KCNMB2: variants seen among roughly 807,000 people sequenced by gnomAD.
KCNMB2 encodes the protein calcium-activated potassium channel subunit beta-2.
Under a neutral mutation model 24.5 loss-of-function variants are expected in KCNMB2, and 9 were observed. The observed-to-expected ratio is 0.37, with a 90% CI of 0.22 to 0.64. The LOEUF (loss-of-function observed/expected upper bound fraction) is 0.64, where lower values mean the gene tolerates loss of function less well. Among genes scored for constraint, KCNMB2 ranks in the 30% least tolerant of loss-of-function variants. The pLI, the probability that KCNMB2 is intolerant of heterozygous loss-of-function variation, is 0.63. For synonymous variants in KCNMB2, 109 were observed against 104.4 expected (o/e 1.04, Z -0.27); for missense variants, 226 against 284.3 (o/e 0.79, Z 1.47).
intron 1 of KCNMB2, chr3:178,537,150 G>C (rs11928046): frequency 0.13 from 19,960 of 152,156 alleles, 1,339 homozygotes; most frequent in Middle Eastern, 0.23. Context: ...CAGTCAATGT[G>C]TTTTGATGGT....
At chr3:178,787,832 G>C (rs1192971119) in intron 1 of KCNMB2, among the ~76,000 whole-genome samples, 1 of 152,100 alleles carries the variant, frequency 6.6e-6, no homozygotes, top group African/African-American at 2.4e-5. Flanking sequence ...AAACCAATGA[G>C]AGAACGTTGG....
intron 1 of KCNMB2, among the ~76,000 whole-genome samples, chr3:178,619,186 G>T (rs1718819814): frequency 6.6e-6 from 1 of 152,168 alleles, no homozygotes; most frequent in African/African-American, 2.4e-5. Flanking sequence ...GTCTAGTAGG[G>T]GAAGGAGAGT....
intron 4 of KCNMB2, among the ~76,000 whole-genome samples, chr3:178,839,062 T>C (rs915769775): frequency 7.9e-5 from 12 of 152,266 alleles, no homozygotes; most frequent in Middle Eastern, 3.4e-3. Context: ...AAGTTAATCA[T>C]TTGATTACAT....
chr3:178,753,155 C>T (rs1723906835), intron 1 of KCNMB2, among the ~76,000 whole-genome samples: 1 of 152,206 alleles, frequency 6.6e-6, no homozygotes, highest in African/African-American at 2.4e-5. Context: ...TACAGGATGT[C>T]AATGGCAGTC....
intron 1 of KCNMB2, among the ~76,000 whole-genome samples, chr3:178,613,831 T>C (rs1354769432): frequency 1.3e-5 from 2 of 152,154 alleles, no homozygotes. Flanking sequence ...CTTGGTTCTA[T>C]AACCATCTTG....
At chr3:178,738,923 T>C (rs959569341) in intron 1 of KCNMB2, among the ~76,000 whole-genome samples, 1 of 148,304 alleles carries the variant, frequency 6.7e-6, no homozygotes, top group Non-Finnish European at 1.5e-5. Context: ...GTGCCTGCAA[T>C]GAATACCTAC....
At chr3:178,547,457 G>A (rs887355352) in intron 1 of KCNMB2, among the ~76,000 whole-genome samples, 3 of 152,170 alleles carry the variant, frequency 2.0e-5, no homozygotes, top group South Asian at 4.1e-4. Flanking sequence ...TGAGATTATG[G>A]AACACTGGAA....
chr3:178,690,068 A>ATCAG (rs1197021029), intron 1 of KCNMB2, among the ~76,000 whole-genome samples: 5 of 152,302 alleles, frequency 3.3e-5, no homozygotes, highest in African/African-American at 1.2e-4. Context: ...GTTTTTAGAA[A>ATCAG]TCAGGAAATG....
chr3:178,693,135 TAAG>T (rs1182788901), intron 1 of KCNMB2, among the ~76,000 whole-genome samples: 1 of 152,216 alleles, frequency 6.6e-6, no homozygotes, highest in East Asian at 1.9e-4. Flanking sequence ...TTTATCAGCT[TAAG>T]AAGCATTTAG....
At chr3:178,633,804 A>C (rs1266348954) in intron 1 of KCNMB2, among the ~76,000 whole-genome samples, 1 of 152,168 alleles carries the variant, frequency 6.6e-6, no homozygotes, top group Non-Finnish European at 1.5e-5. Context: ...CTTTTCTATC[A>C]CATCATTAGA....
intron 1 of KCNMB2, among the ~76,000 whole-genome samples, chr3:178,759,255 C>T (rs1711559905): frequency 1.8e-5 from 2 of 114,242 alleles, no homozygotes; most frequent in Admixed American, 1.8e-4. Flanking sequence ...ATATATCTCT[C>T]CAAGAAGAGA....
intron 1 of KCNMB2, among the ~76,000 whole-genome samples, chr3:178,704,755 A>C (rs1722221450): frequency 1.3e-5 from 2 of 152,182 alleles, no homozygotes; most frequent in African/African-American, 4.8e-5. Context: ...AACACCAGTT[A>C]ATGAGAGAAC....
intron 1 of KCNMB2, among the ~76,000 whole-genome samples, chr3:178,732,975 C>T (rs1723201062): frequency 6.6e-6 from 1 of 152,100 alleles, no homozygotes; most frequent in Non-Finnish European, 1.5e-5. Context: ...GGGGGATAAA[C>T]AGCAAAAGAC....
intron 1 of KCNMB2, among the ~76,000 whole-genome samples, chr3:178,634,339 A>G (rs1719435074): frequency 6.6e-6 from 1 of 152,110 alleles, no homozygotes; most frequent in Admixed American, 6.6e-5. Context: ...AGACTGGGTA[A>G]TTTATGAAGG....
rs1386387030 is a variant in KCNMB2, at chr3:178,828,390, C to T, written c.423+17C>T. ...AATCAGAAGGTAGGAACTTGGCGTA[C>T]TGCATTTCAGTTACCCCACAGAGCT... On this transcript the variant is annotated intron_variant, in intron 4 of 4. Transcript: ENST00000452583. The T allele has an allele frequency of 3.1e-6, 5 of 1,595,094 alleles. No individual in the cohort carries two copies. The highest frequency in any genetic ancestry group is 1.7e-5 in the Admixed American group (1 of 59,384).
At chr3:178,831,149 A>T (rs1331480879) in intron 4 of KCNMB2, among the ~76,000 whole-genome samples, 5 of 152,060 alleles carry the variant, frequency 3.3e-5, no homozygotes, top group African/African-American at 1.2e-4. Context: ...GCTCCAGTCC[A>T]TTTTTGAAGA....
intron 1 of KCNMB2, among the ~76,000 whole-genome samples, chr3:178,769,243 G>A (rs997370829): frequency 6.6e-5 from 10 of 152,112 alleles, no homozygotes; most frequent in African/African-American, 2.4e-4. Flanking sequence ...AAGTATATAT[G>A]GTGTAAATGG....
chr3:178,549,435 C>A (rs940568430), intron 1 of KCNMB2, among the ~76,000 whole-genome samples: 20 of 149,706 alleles, frequency 1.3e-4, no homozygotes, highest in Non-Finnish European at 2.8e-4. Context: ...CTCAGCCTCC[C>A]AAGTAGCTGG....
intron 4 of KCNMB2, 55 bp from the exon 5 acceptor site, chr3:178,842,598 A>T: frequency 8.4e-7 from 1 of 1,193,214 alleles, no homozygotes; most frequent in Non-Finnish European, 1.2e-6. Context: ...ACCCCCTCCT[A>T]GAGTCTCAAA....
Sources: allele counts gnomAD v4.1 joint callset (sites outside exome capture counted in the v4.1 genomes callset), GRCh38; gene constraint gnomAD v4.1.1; transcripts MANE v1.5; gene names NCBI Gene and HGNC (gene_info 2026-07-23, HGNC 2026-07-21).